PARD3B: variants seen among roughly 807,000 people sequenced by gnomAD.
PARD3B encodes the protein par-3 family cell polarity regulator beta.
PARD3B carries 103 observed loss-of-function variants against 130.2 expected under a neutral mutation model. That is an observed-to-expected ratio of 0.79 (90% CI 0.67 to 0.93). The LOEUF is 0.93. Among genes scored for constraint, PARD3B ranks in the 40% least tolerant of loss-of-function variants. The pLI, the probability that PARD3B is intolerant of heterozygous loss-of-function variation, is 0.00. For missense variants in PARD3B, 1,609 were observed against 1,499.2 expected, an observed-to-expected ratio of 1.07 and a Z score of -1.21; for synonymous variants, 583 against 553.2, an observed-to-expected ratio of 1.05 and a Z score of -0.76.
intron 2 of PARD3B, among the ~76,000 whole-genome samples, chr2:204,926,264 G>A (rs1575325086): frequency 6.6e-6 from 1 of 152,104 alleles, no homozygotes; most frequent in African/African-American, 2.4e-5. Context: ...ACAAATAAAT[G>A]TTGAGAAATG....
intron 10 of PARD3B, among the ~76,000 whole-genome samples, chr2:205,143,304 T>G (rs2033119238): frequency 6.6e-6 from 1 of 152,218 alleles, no homozygotes; most frequent in Admixed American, 6.5e-5. Flanking sequence ...TTCTTTTTCA[T>G]GTATCAGCAA....
At chr2:205,478,740 G>A (rs1346245298) in intron 20 of PARD3B, among the ~76,000 whole-genome samples, 2 of 152,198 alleles carry the variant, frequency 1.3e-5, no homozygotes, top group African/African-American at 4.8e-5. Flanking sequence ...CTAAAGGTCA[G>A]CAAATGGTGC....
intron 1 of PARD3B, among the ~76,000 whole-genome samples, chr2:204,637,813 A>G (rs2034939592): frequency 6.6e-6 from 1 of 151,896 alleles, no homozygotes; most frequent in African/African-American, 2.4e-5. Flanking sequence ...TAGCTTCACA[A>G]CAGTATCTCT....
intron 22 of PARD3B, among the ~76,000 whole-genome samples, chr2:205,570,119 C>T (rs58222795): frequency 0.026 from 4,034 of 152,258 alleles, 167 homozygotes; most frequent in African/African-American, 0.091. Flanking sequence ...CCGAAAGGAA[C>T]TATGAGAGGA....
intron 2 of PARD3B, among the ~76,000 whole-genome samples, chr2:204,868,046 G>A (rs2045493595): frequency 6.6e-6 from 1 of 152,100 alleles, no homozygotes; most frequent in Non-Finnish European, 1.5e-5. Flanking sequence ...AACATCCTAG[G>A]TGCCATCCTG....
intron 4 of PARD3B, among the ~76,000 whole-genome samples, chr2:205,059,232 T>A (rs1699918643): frequency 6.6e-6 from 1 of 152,044 alleles, no homozygotes; most frequent in South Asian, 2.1e-4. Flanking sequence ...TTGAAACTCA[T>A]CTGAACATAC....
intron 2 of PARD3B, among the ~76,000 whole-genome samples, chr2:204,933,601 A>G (rs1208195374): frequency 6.6e-6 from 1 of 152,170 alleles, no homozygotes; most frequent in African/African-American, 2.4e-5. Flanking sequence ...TAAAGCCCCA[A>G]ATTGCTTGTA....
At position 205,558,029 on chromosome 2, in the gene PARD3B, C is replaced by T. The variant is rs992004650; in HGVS notation, c.3260+4626C>T. 2.0e-5 allele frequency among the ~76,000 whole-genome samples: 3 copies of T among 152,098 alleles called. No individual in the cohort carries two copies. The highest frequency in any genetic ancestry group is 4.8e-5 in the African/African-American group (2 of 41,418). The stretch of plus-strand genomic sequence containing the variant: ...AACTCACTGAAGCTGAAGGATTCGC[C>T]GACTCAGGAAAGACCAGTGGTCTGG... On this transcript the variant is annotated intron_variant, in intron 22 of 22. Coordinates refer to ENST00000406610, the MANE Select transcript of PARD3B (RefSeq NM_001302769.2). The surrounding 1 kb of genome is among the most constrained non-coding windows in gnomAD (Gnocchi z 4.8).
At chr2:204,850,261 G>A (rs564223271) in intron 2 of PARD3B, among the ~76,000 whole-genome samples, 55 of 152,104 alleles carry the variant, frequency 3.6e-4, no homozygotes, top group Non-Finnish European at 6.3e-4. Context: ...TTCTTCTTCC[G>A]ATATTTCTAC....
At position 204,967,543 on chromosome 2, in the gene PARD3B, G is replaced by A. The variant is rs541627736; in HGVS notation, c.394+2220G>A. On this transcript the variant is annotated intron_variant, in intron 3 of 22. Transcript: ENST00000406610. The surrounding 1 kb of genome is among the most constrained non-coding windows in gnomAD (Gnocchi z 4.4). ...CTAAACTCGTTAGCAAGCTGATGCAGATGGTTCCTCTGAATCAGCAGGAGA... is the reference window on the plus strand; with the variant it reads ...CTAAACTCGTTAGCAAGCTGATGCAAATGGTTCCTCTGAATCAGCAGGAGA... 6.6e-6 allele frequency among the ~76,000 whole-genome samples: 1 copy of A among 152,288 alleles called. No homozygotes were observed. Among genetic ancestry groups the A allele is most frequent in the Admixed American group, 6.5e-5 (1 of 15,304 alleles).
rs1280447425 is a variant in PARD3B at position 205,253,336 on chromosome 2, C to A, written c.2185+7514C>A. Reference sequence around the variant, plus strand: ...CCCCCTACAAAGGAGGCCATGGAACCGATGGAACTGATGGAGGAAATGCTG... The same window carrying A: ...CCCCCTACAAAGGAGGCCATGGAACAGATGGAACTGATGGAGGAAATGCTG... On this transcript the variant is annotated intron_variant, in intron 16 of 22. Transcript: ENST00000406610. This position sits in a 1 kb window ranked among gnomAD's most constrained non-coding sequence, Gnocchi z 4.4. 3.7e-6 allele frequency: 2 copies of A among 542,946 alleles called. No individual in the cohort carries two copies. The highest frequency in any genetic ancestry group is 7.4e-6 in the Non-Finnish European group (2 of 268,470). 33.6% of individuals were successfully genotyped at this position (542,946 alleles called of 1,614,324 possible).
intron 1 of PARD3B, among the ~76,000 whole-genome samples, chr2:204,618,731 G>A (rs948297176): frequency 3.3e-5 from 5 of 152,104 alleles, no homozygotes; most frequent in Admixed American, 6.6e-5. Flanking sequence ...ACATGAGAAA[G>A]GACTTATGAA....
intron 21 of PARD3B, among the ~76,000 whole-genome samples, chr2:205,522,315 A>G (rs1309059172): frequency 6.6e-6 from 1 of 151,714 alleles, no homozygotes; most frequent in Non-Finnish European, 1.5e-5. Context: ...AATATTAAAG[A>G]CTTTATTTTT....
chr2:205,224,391 AAG>A (rs2038422976), intron 15 of PARD3B, among the ~76,000 whole-genome samples: 1 of 148,488 alleles, frequency 6.7e-6, no homozygotes, highest in African/African-American at 2.5e-5. Flanking sequence ...AAAAAAAAGA[AAG>A]AAAGAAAGAA....
intron 2 of PARD3B, among the ~76,000 whole-genome samples, chr2:204,732,165 TA>T (rs962970409): frequency 6.6e-6 from 1 of 152,046 alleles, no homozygotes; most frequent in Non-Finnish European, 1.5e-5. Flanking sequence ...ACTATCTTAT[TA>T]GATATAAAGC....
At chr2:205,026,187 T>C (rs1454696409) in intron 3 of PARD3B, among the ~76,000 whole-genome samples, 1 of 152,072 alleles carries the variant, frequency 6.6e-6, no homozygotes, top group Admixed American at 6.6e-5. Flanking sequence ...GACAGGGCTA[T>C]TCTGAGAGTA....
At chr2:205,156,427 A>C (rs1426878846) in intron 10 of PARD3B, among the ~76,000 whole-genome samples, 1 of 151,890 alleles carries the variant, frequency 6.6e-6, no homozygotes, top group Admixed American at 6.6e-5. Context: ...ATAAAATTTA[A>C]AAAAAAAGAA....
rs1275705601 is a variant in PARD3B at position 205,584,885 on chromosome 2, T to C, written c.3261-30571T>C. Among the ~76,000 whole-genome samples, 1 of 152,098 alleles carries C rather than the reference T, an allele frequency of 6.6e-6. No homozygotes were observed. The highest frequency in any genetic ancestry group is 6.6e-5 in the Admixed American group (1 of 15,266). On this transcript the variant is annotated intron_variant, in intron 22 of 22. Coordinates refer to ENST00000406610, the MANE Select transcript of PARD3B (RefSeq NM_001302769.2). The surrounding 1 kb of genome is among the most constrained non-coding windows in gnomAD (Gnocchi z 5.5). ...AAAACACTTTTTTCCCCTTAGATTG[T>C]ACATAATACCAGGCACACCTGGATT...
chr2:205,337,945 C>G (rs1232419031), intron 18 of PARD3B, among the ~76,000 whole-genome samples: 1 of 151,876 alleles, frequency 6.6e-6, no homozygotes, highest in Admixed American at 6.6e-5. Flanking sequence ...GTCAAGAGTT[C>G]AAGACTAGCC....
Sources: allele counts gnomAD v4.1 joint callset (sites outside exome capture counted in the v4.1 genomes callset), GRCh38; gene constraint gnomAD v4.1.1; non-coding constraint Gnocchi (gnomAD v3.1); transcripts MANE v1.5; gene names NCBI Gene and HGNC (gene_info 2026-07-23, HGNC 2026-07-21).